Variants in TPO observed in about 807,000 individuals in gnomAD.
TPO encodes thyroid microsomal antigen.
TPO carries 78 observed loss-of-function variants against 96.9 expected under a neutral mutation model. That is an observed-to-expected ratio of 0.81 (90% CI 0.67 to 0.97). The LOEUF (loss-of-function observed/expected upper bound fraction) is 0.97. Ranked by LOEUF, TPO falls within the 50% of genes least tolerant of loss-of-function variation. The pLI, the probability that TPO is intolerant of heterozygous loss-of-function variation, is 0.00. For missense variants in TPO, 1,252 were observed against 1,274.8 expected (o/e 0.98, Z 0.27); for synonymous variants, 547 against 538.0 (o/e 1.02, Z -0.23).
At position 1,423,120 on chromosome 2, in the gene TPO, C is replaced by T. The variant is rs775202863; in HGVS notation, c.170C>T (p.Thr57Met). The T allele has an allele frequency of 1.9e-6, 3 of 1,613,856 alleles. No homozygotes were observed. The highest frequency in any genetic ancestry group is 1.1e-5 in the South Asian group (1 of 91,064). ...CTGGTGGACACCGCCATGTACGCCACGATGCAGAGGTGAGCCTTGCGGAGG... is the reference window on the plus strand; with the variant it reads ...CTGGTGGACACCGCCATGTACGCCATGATGCAGAGGTGAGCCTTGCGGAGG... Reference protein sequence around the residue: ...KRLVDTAMYATMQRNLKKRGI... With the variant: ...KRLVDTAMYAMMQRNLKKRGI... Residue 57 changes from threonine (T) to methionine (M), a missense_variant, in exon 3 of 17, where the codon ACG becomes ATG. Coordinates refer to ENST00000329066, the MANE Select transcript of TPO (RefSeq NM_001206744.2).
At chr2:1,458,083 T>C (rs1033301939) in intron 7 of TPO, among the ~76,000 whole-genome samples, 5 of 148,022 alleles carry the variant, frequency 3.4e-5, no homozygotes, top group Non-Finnish European at 5.9e-5. Flanking sequence ...GCATATGAGA[T>C]TGTGGGCACG....
chr2:1,423,205 C>T lies in TPO; in HGVS notation c.179+76C>T, dbSNP rs565128907. On this transcript the variant is annotated intron_variant, in intron 3 of 16. Transcript: ENST00000329066. The stretch of plus-strand genomic sequence containing the variant: ...CTCCCTGACATCCACACACGTGTGG[C>T]CTGATTTTCGCAATTGCAGATGAAA... The T allele has an allele frequency of 2.4e-4, 343 of 1,424,612 alleles. 2 individuals are homozygous for T. The South Asian group carries it at 3.8e-3, about 16-fold the overall frequency. The allele number at this position is 1,424,612 out of a possible 1,614,324, so 88.2% of individuals were successfully genotyped here.
At chr2:1,495,658 G>A (rs977966723) in intron 11 of TPO, among the ~76,000 whole-genome samples, 4 of 152,340 alleles carry the variant, frequency 2.6e-5, no homozygotes, top group South Asian at 2.1e-4. Flanking sequence ...CCAGGTGCAC[G>A]CTGTGCTGCC....
At chr2:1,537,867 C>T (rs1573667139) in intron 15 of TPO, among the ~76,000 whole-genome samples, 1 of 63,536 alleles carries the variant, frequency 1.6e-5, no homozygotes. Flanking sequence ...TCTCAAATCC[C>T]CCCCACTGTG....
intron 1 of TPO, among the ~76,000 whole-genome samples, chr2:1,403,481 G>A (rs186316438): frequency 7.9e-5 from 12 of 152,346 alleles, no homozygotes; most frequent in South Asian, 2.1e-4. Context: ...CTCAGCAGTG[G>A]TACCTCCATA....
chr2:1,436,927 C>T (rs1665632698), intron 5 of TPO, among the ~76,000 whole-genome samples: 2 of 152,336 alleles, frequency 1.3e-5, no homozygotes, highest in South Asian at 2.1e-4. Flanking sequence ...TCCTTCTCAA[C>T]TCCTCCCTCA....
At chr2:1,426,919 C>A (rs1463152548) in intron 3 of TPO, among the ~76,000 whole-genome samples, 2 of 152,200 alleles carry the variant, frequency 1.3e-5, no homozygotes, top group East Asian at 3.8e-4. Flanking sequence ...TCCACTCACT[C>A]ATGGACAGTG....
chr2:1,515,497 T>C (rs1370978668), intron 14 of TPO, among the ~76,000 whole-genome samples: 1 of 151,704 alleles, frequency 6.6e-6, no homozygotes, highest in Non-Finnish European at 1.5e-5. Flanking sequence ...GGAGAAACAG[T>C]CAGGATGCGC....
At chr2:1,422,355 A>G (rs980815795) in intron 2 of TPO, among the ~76,000 whole-genome samples, 11 of 139,972 alleles carry the variant, frequency 7.9e-5, no homozygotes, top group African/African-American at 2.7e-4. Flanking sequence ...GACCTCGTGC[A>G]GGCGCCGCGC....
chr2:1,454,461 C>T (rs139765483), intron 6 of TPO, among the ~76,000 whole-genome samples: 1 of 152,126 alleles, frequency 6.6e-6, no homozygotes, highest in African/African-American at 2.4e-5. Flanking sequence ...GCACAGAGTT[C>T]CCCTACAAAA....
At chr2:1,537,136 C>T (rs1167451812) in intron 15 of TPO, among the ~76,000 whole-genome samples, 3 of 131,524 alleles carry the variant, frequency 2.3e-5, no homozygotes, top group East Asian at 2.3e-4. Context: ...GTGCAACCTC[C>T]GCAAATACCC....
At chr2:1,486,817 G>C (rs1252965418) in intron 9 of TPO, among the ~76,000 whole-genome samples, 1 of 152,164 alleles carries the variant, frequency 6.6e-6, no homozygotes, top group Non-Finnish European at 1.5e-5. Flanking sequence ...GGGAGGGCAG[G>C]GGTGCTGCAG....
At chr2:1,400,905 C>G (rs1421496987) in intron 1 of TPO, among the ~76,000 whole-genome samples, 1 of 152,184 alleles carries the variant, frequency 6.6e-6, no homozygotes, top group African/African-American at 2.4e-5. Context: ...AATCATGTAT[C>G]CTTGTGGCAA....
chr2:1,540,978 A>G (rs1680697295), intron 16 of TPO: 3 of 1,458,872 alleles, frequency 2.1e-6, no homozygotes, highest in Non-Finnish European at 2.8e-6. Flanking sequence ...GCTCACTTTC[A>G]GGCGTTTGCT....
At chr2:1,425,724 A>T (rs1447751425) in intron 3 of TPO, among the ~76,000 whole-genome samples, 1 of 152,064 alleles carries the variant, frequency 6.6e-6, no homozygotes, top group African/African-American at 2.4e-5. Context: ...CTATCCTCAG[A>T]AGTCTGTACT....
At chr2:1,479,634 G>T (rs1211595113) in intron 8 of TPO, among the ~76,000 whole-genome samples, 1 of 152,122 alleles carries the variant, frequency 6.6e-6, no homozygotes, top group Non-Finnish European at 1.5e-5. Context: ...TTATTACCAG[G>T]CCCAGTCATT....
At chr2:1,528,795 C>G (rs1350344145) in intron 15 of TPO, among the ~76,000 whole-genome samples, 1 of 135,768 alleles carries the variant, frequency 7.4e-6, no homozygotes, top group Non-Finnish European at 1.6e-5. Flanking sequence ...GCAACCTCCT[C>G]CAATCCCCCC....
At chr2:1,453,912 G>T (rs190884165) in intron 6 of TPO, 89 bp downstream of exon 6, 4 of 1,574,950 alleles carry the variant, frequency 2.5e-6, no homozygotes, top group Non-Finnish European at 3.5e-6. Context: ...GTTCTTGCTC[G>T]TGCTGGGTGC....
Position 1,476,954 on chromosome 2 carries a change from T to G in TPO, c.820-132T>G, listed in dbSNP as rs577085262. 363 of 1,172,406 alleles carry G rather than the reference T, an allele frequency of 3.1e-4. 2 individuals are homozygous for G. The African/African-American group carries it at 4.3e-3, about 14-fold the overall frequency. The allele number at this position is 1,172,406 out of a possible 1,614,324, so 72.6% of individuals were successfully genotyped here. On this transcript the variant is annotated intron_variant, in intron 7 of 16. Coordinates refer to ENST00000329066, the MANE Select transcript of TPO (RefSeq NM_001206744.2). The stretch of plus-strand genomic sequence containing the variant: ...GGGGAGGTGAGGGGACTGGCTGGAC[T>G]GACCCCTACAGAGGACTGGAGGGGC...
Sources: gnomAD v4.1 joint callset for allele counts (sites outside exome capture counted in the v4.1 genomes callset) on GRCh38, gnomAD v4.1.1 for gene constraint, MANE v1.5 for transcripts, NCBI Gene and HGNC (gene_info 2026-07-23, HGNC 2026-07-21) for gene names.